The following PKHD1L1 variants were observed in gnomAD, a reference collection of about 807,000 sequenced individuals.
PKHD1L1 encodes PKHD1 like 1, also known as fibrocystin-L.
In PKHD1L1, 434 loss-of-function variants were observed where a neutral mutation model predicts 462.9. The observed-to-expected ratio is 0.94, with a 90% CI of 0.87 to 1.02. The LOEUF is 1.02. Ranked by LOEUF, PKHD1L1 falls within the 50% of genes least tolerant of loss-of-function variation. PKHD1L1 has a pLI of 0.00. For missense variants in PKHD1L1, 5,202 were observed against 5,096.1 expected, an observed-to-expected ratio of 1.02 and a Z score of -0.63; for synonymous variants, 1,781 against 1,750.0, an observed-to-expected ratio of 1.02 and a Z score of -0.44.
At position 109,459,614 on chromosome 8, in the gene PKHD1L1, G is replaced by A. The variant is rs771453720; in HGVS notation, c.7024G>A (p.Glu2342Lys). The part of the protein sequence containing the change: ...TGHRHSQGEN[E>K]KMTIASVSAD... ...TTACAGACACAGTCAAGGAGAGAAT[G>A]AAAAAATGACCATTGCATCTGTGTC... The change falls in exon 47 of 78, where the codon GAA (glutamate) becomes AAA (lysine). Residue 2342 changes from glutamate (E) to lysine (K), a missense_variant. Physicochemically the swap from Glu to Lys is moderately conservative, Grantham distance 56. Around this residue, in one of 3 missense-constraint regions of PKHD1L1, gnomAD observed 4,497 missense variants for 4,336.8 expected, o/e 1.04. Transcript: ENST00000378402. 18 of 1,566,296 alleles carry A rather than the reference G, an allele frequency of 1.1e-5. No homozygotes were observed. The highest frequency in any genetic ancestry group is 1.7e-4 in the Middle Eastern group (1 of 5,998).
At chr8:109,406,573 G>T in intron 17 of PKHD1L1, 95 bp downstream of exon 17, 1 of 1,320,298 alleles carries the variant, frequency 7.6e-7, no homozygotes, top group African/African-American at 1.5e-5. Context: ...AAAAGACTTG[G>T]TTAATCTTAG....
At chr8:109,434,310 C>T (rs1586501729) in intron 28 of PKHD1L1, among the ~76,000 whole-genome samples, 1 of 151,724 alleles carries the variant, frequency 6.6e-6, no homozygotes, top group Admixed American at 6.6e-5. Context: ...ATCAAATTCT[C>T]CTATCACCAG....
chr8:109,375,789 A>G (rs548997205), intron 2 of PKHD1L1, among the ~76,000 whole-genome samples: 30 of 152,294 alleles, frequency 2.0e-4, no homozygotes, highest in Admixed American at 1.5e-3. Flanking sequence ...TTGCTTAGGT[A>G]TCAGCAGCGG....
intron 58 of PKHD1L1, among the ~76,000 whole-genome samples, chr8:109,485,876 T>G (rs1818499398): frequency 6.6e-6 from 1 of 152,098 alleles, no homozygotes; most frequent in East Asian, 1.9e-4. Flanking sequence ...TGTCTATAAT[T>G]CTATATCATA....
At chr8:109,459,203 A>G (rs914825340) in intron 46 of PKHD1L1, among the ~76,000 whole-genome samples, 1 of 152,108 alleles carries the variant, frequency 6.6e-6, no homozygotes, top group Non-Finnish European at 1.5e-5. Context: ...ACCAGATGCC[A>G]GTAGCAGCCC....
chr8:109,463,793 T>A (rs1311655515), intron 48 of PKHD1L1, among the ~76,000 whole-genome samples: 2 of 152,168 alleles, frequency 1.3e-5, no homozygotes, highest in Non-Finnish European at 2.9e-5. Context: ...CTTTAGGGGA[T>A]TATGGCAAAG....
At position 109,491,934 on chromosome 8, in the gene PKHD1L1, G is replaced by T; in HGVS notation, c.10176G>T (p.Trp3392Cys). ...VRGNLIALSV[W>C]PGTYQNRKDL... ...GGAATTTGATTGCACTTTCGGTTTG[G>T]CCAGGAACCTATCAGAACAGAAAAG... The change falls in exon 62 of 78, where the codon TGG (tryptophan) becomes TGT (cysteine). Residue 3392 changes from tryptophan (W) to cysteine (C), a missense_variant. Trp to Cys is a radical substitution (Grantham distance 215, BLOSUM62 -2). This residue lies in a region of PKHD1L1 where 4,497 missense variants were observed against 4,336.8 expected (regional missense o/e 1.04). Transcript: ENST00000378402. The T allele has an allele frequency of 2.5e-6, 4 of 1,604,362 alleles. No individual in the cohort carries two copies. Among genetic ancestry groups the T allele is most frequent in the Non-Finnish European group, 3.4e-6 (4 of 1,173,748 alleles).
At chr8:109,512,912 A>G (rs1052388969) in intron 71 of PKHD1L1, among the ~76,000 whole-genome samples, 9 of 151,928 alleles carry the variant, frequency 5.9e-5, no homozygotes, top group African/African-American at 1.2e-4. Flanking sequence ...GGTCCTTCAC[A>G]TCCCTTGTAA....
At chr8:109,474,223 C>A (rs567970309) in intron 50 of PKHD1L1, among the ~76,000 whole-genome samples, 1 of 152,098 alleles carries the variant, frequency 6.6e-6, no homozygotes, top group Middle Eastern at 3.2e-3. Flanking sequence ...ATTTTATAAT[C>A]TTGCTTCTAG....
rs1193893588 is a variant in PKHD1L1 at position 109,381,390 on chromosome 8, T to G, written c.184T>G (p.Phe62Val). The G allele has an allele frequency of 6.3e-7, 1 of 1,576,464 alleles. No individual in the cohort carries two copies. The highest frequency in any genetic ancestry group is 8.6e-7 in the Non-Finnish European group (1 of 1,159,206). Reference sequence around the variant, plus strand: ...TCCAGGTTTTTCTCAAGCAAACCAGTTTAACTATGGAGTTGATAACGCTGA... The same window carrying G: ...TCCAGGTTTTTCTCAAGCAAACCAGGTTAACTATGGAGTTGATAACGCTGA... ...RGEGFSQANQ[F>V]NYGVDNAELG... Residue 62 changes from phenylalanine to valine, a missense_variant, in exon 3 of 78, where the codon TTT (phenylalanine) becomes GTT (valine). By Grantham distance (50) the Phe-to-Val change is conservative (BLOSUM62 -1). This residue lies in a region of PKHD1L1 where 4,497 missense variants were observed against 4,336.8 expected (regional missense o/e 1.04). Transcript: ENST00000378402.
intron 40 of PKHD1L1, among the ~76,000 whole-genome samples, chr8:109,449,837 G>A (rs1047644382): frequency 8.5e-5 from 13 of 152,082 alleles, no homozygotes; most frequent in Admixed American, 6.6e-4. Context: ...GAGTATCAAC[G>A]CCGATAGTGC....
At chr8:109,496,265 T>C (rs1335056631) in intron 63 of PKHD1L1, among the ~76,000 whole-genome samples, 1 of 152,276 alleles carries the variant, frequency 6.6e-6, no homozygotes, top group East Asian at 1.9e-4. Flanking sequence ...ATAATAAAAA[T>C]ATCAAGTGAA....
intron 2 of PKHD1L1, among the ~76,000 whole-genome samples, chr8:109,374,275 T>C (rs1811685100): frequency 6.6e-6 from 1 of 152,236 alleles, no homozygotes; most frequent in Admixed American, 6.5e-5. Flanking sequence ...TTGTCTCTTT[T>C]GATCTTTGTT....
intron 57 of PKHD1L1, among the ~76,000 whole-genome samples, chr8:109,483,712 G>A (rs1818387555): frequency 6.6e-6 from 1 of 150,822 alleles, no homozygotes; most frequent in South Asian, 2.1e-4. Context: ...ATAAATTCTT[G>A]CAAAACAGAA....
intron 5 of PKHD1L1, among the ~76,000 whole-genome samples, chr8:109,385,271 A>G (rs1397044332): frequency 1.6e-4 from 24 of 146,698 alleles, no homozygotes; most frequent in Non-Finnish European, 3.4e-4. Context: ...TTTCTCAAAT[A>G]GTCACCGATT....
intron 9 of PKHD1L1, among the ~76,000 whole-genome samples, chr8:109,391,071 A>G (rs1300029758): frequency 6.6e-6 from 1 of 152,226 alleles, no homozygotes; most frequent in African/African-American, 2.4e-5. Context: ...GCAAATCTCA[A>G]TGCATGTTGA....
intron 45 of PKHD1L1, among the ~76,000 whole-genome samples, chr8:109,455,520 C>T (rs571625739): frequency 6.6e-6 from 1 of 152,210 alleles, no homozygotes; most frequent in South Asian, 2.1e-4. Context: ...TGCCTGTTTA[C>T]TTTATGTATT....
chr8:109,493,019 T>C (rs1327079896), intron 62 of PKHD1L1, among the ~76,000 whole-genome samples: 3 of 151,594 alleles, frequency 2.0e-5, no homozygotes, highest in Non-Finnish European at 4.4e-5. Context: ...GTTGTCCTTT[T>C]TTAAATAAAT....
rs1816063118 is a variant in PKHD1L1, at chr8:109,445,229, A to T, written c.5360A>T (p.Gln1787Leu). 1.2e-6 allele frequency: 2 copies of T among 1,613,912 alleles called. No individual in the cohort carries two copies. Among genetic ancestry groups the T allele is most frequent in the African/African-American group, 1.3e-5 (1 of 74,946 alleles). The change falls in exon 38 of 78, where the codon CAG becomes CTG. Residue 1787 changes from glutamine (Q) to leucine (L), a missense_variant. By Grantham distance (113) the Gln-to-Leu change is moderately radical. Coordinates refer to ENST00000378402, the MANE Select transcript of PKHD1L1 (RefSeq NM_177531.6). ...EDIAVFIGNQ[Q>L]FRAIEVNENN... ...ATTGCTGTTTTCATTGGAAATCAAC[A>T]GTTCAGAGCAATAGAGGTTAATGAA...
Sources: gnomAD v4.1 joint callset for allele counts (sites outside exome capture counted in the v4.1 genomes callset) on GRCh38, gnomAD v4.1.1 for gene constraint, gnomAD v4.1.1 regional missense constraint, MANE v1.5 for transcripts, NCBI Gene and HGNC (gene_info 2026-07-23, HGNC 2026-07-21) for gene names.